The following TLE2 variants were observed in gnomAD, a reference collection of about 807,000 sequenced individuals.
TLE2 encodes the protein transducin-like enhancer protein 2.
Under a neutral mutation model 97.2 loss-of-function variants are expected in TLE2, and 74 were observed. The observed-to-expected ratio is 0.76, with a 90% CI of 0.63 to 0.92. The LOEUF (loss-of-function observed/expected upper bound fraction) is 0.92. Ranked by LOEUF, TLE2 falls within the 40% of genes least tolerant of loss-of-function variation. The probability of loss-of-function intolerance (pLI) is 0.00; values close to 1 mark genes in which losing one functional copy is unlikely to be tolerated. For synonymous variants in TLE2, 499 were observed against 432.1 expected, an observed-to-expected ratio of 1.15 and a Z score of -1.92; for missense variants, 1,038 against 1,008.7, an observed-to-expected ratio of 1.03 and a Z score of -0.39.
chr19:3,029,469 GC>G, upstream of TLE2: 1 of 978,822 alleles, frequency 1.0e-6, no homozygotes, highest in South Asian at 4.7e-5. Flanking sequence ...GGCGCCCAGT[GC>G]CTTAAAACAG....
chr19:2,998,266 T>TGG, intron 19 of TLE2, among the ~76,000 whole-genome samples: 1 of 128,902 alleles, frequency 7.8e-6, no homozygotes, highest in Admixed American at 8.2e-5. Flanking sequence ...TGTGTGTGTG[T>TGG]GTGTGTGTGT....
chr19:3,023,921 AAG>A (rs1297254851), intron 5 of TLE2, among the ~76,000 whole-genome samples: 1 of 150,416 alleles, frequency 6.6e-6, no homozygotes, highest in Non-Finnish European at 1.5e-5. Flanking sequence ...AGAAAAGAAA[AAG>A]AAAAAAGAAA....
At chr19:2,999,744 GAAA>G (rs1256819076) in intron 19 of TLE2, among the ~76,000 whole-genome samples, 2 of 119,182 alleles carry the variant, frequency 1.7e-5, no homozygotes, top group African/African-American at 6.7e-5. Context: ...AAAAAAGAAA[GAAA>G]AACAGCTGGG....
intron 14 of TLE2, among the ~76,000 whole-genome samples, chr19:3,008,457 T>TG (rs2089521408): frequency 6.7e-6 from 1 of 148,718 alleles, no homozygotes; most frequent in Admixed American, 6.7e-5. Flanking sequence ...TCTTTTTTCT[T>TG]TTTTTTTTTT....
chr19:3,007,674 T>G (rs1377500552), intron 14 of TLE2, among the ~76,000 whole-genome samples: 1 of 152,162 alleles, frequency 6.6e-6, no homozygotes, highest in African/African-American at 2.4e-5. Context: ...TTAATAAATG[T>G]TCGTTCAACC....
intron 3 of TLE2, among the ~76,000 whole-genome samples, chr19:3,028,074 C>T (rs565424340): frequency 6.6e-6 from 1 of 152,188 alleles, no homozygotes; most frequent in Admixed American, 6.5e-5. Context: ...CCCAGAGAGG[C>T]AGGGCAGGTA....
At chr19:3,035,891 G>T (rs1201016831) in intron 1 of TLE2, among the ~76,000 whole-genome samples, 3 of 151,748 alleles carry the variant, frequency 2.0e-5, no homozygotes, top group African/African-American at 7.3e-5. Flanking sequence ...AGGAGGGGGG[G>T]CTAAGGCTCC....
At chr19:3,036,372 C>G (rs1437606024) in intron 1 of TLE2, among the ~76,000 whole-genome samples, 2 of 152,254 alleles carry the variant, frequency 1.3e-5, no homozygotes, top group Non-Finnish European at 2.9e-5. Flanking sequence ...CCCGCCAGCT[C>G]CCGCTCCCTC....
chr19:3,015,168 G>T (rs369692742), intron 9 of TLE2, among the ~76,000 whole-genome samples: 1 of 151,646 alleles, frequency 6.6e-6, no homozygotes, highest in Non-Finnish European at 1.5e-5. Flanking sequence ...TCAAGTTGCA[G>T]CTGCCCCTGT....
At chr19:3,001,595 C>T (rs2089360380) in intron 18 of TLE2, among the ~76,000 whole-genome samples, 1 of 152,014 alleles carries the variant, frequency 6.6e-6, no homozygotes, top group Non-Finnish European at 1.5e-5. Flanking sequence ...AAGCAATCCT[C>T]CTGCCTCAGC....
At chr19:3,035,805 C>A (rs1164122830) in intron 1 of TLE2, among the ~76,000 whole-genome samples, 1 of 152,136 alleles carries the variant, frequency 6.6e-6, no homozygotes, top group Non-Finnish European at 1.5e-5. Context: ...GCGCTCCCGG[C>A]GGGGTTTGGC....
intron 1 of TLE2, among the ~76,000 whole-genome samples, chr19:3,038,135 TAAC>T (rs2090075043): frequency 6.6e-6 from 1 of 151,820 alleles, no homozygotes; most frequent in Admixed American, 6.6e-5. Context: ...AAAATAATAA[TAAC>T]AATAACAATA....
chr19:3,047,304 G>A (rs2090151752), upstream of TLE2, among the ~76,000 whole-genome samples: 1 of 145,646 alleles, frequency 6.9e-6, no homozygotes, highest in African/African-American at 2.5e-5. Context: ...CTCGGAGCCC[G>A]CGCCTCCGCC....
chr19:3,011,456 C>T (rs931947350), intron 11 of TLE2, among the ~76,000 whole-genome samples: 6 of 147,422 alleles, frequency 4.1e-5, no homozygotes, highest in Admixed American at 6.8e-5. Flanking sequence ...GGCATGAACC[C>T]GGGAGACGGA....
rs1339547974 is a variant in TLE2 at position 3,008,941 on chromosome 19, G to T, written c.1178C>A (p.Ala393Glu). 6.3e-7 allele frequency: 1 copy of T among 1,587,288 alleles called. No homozygotes were observed. Among genetic ancestry groups the T allele is most frequent in the South Asian group, 1.2e-5 (1 of 86,514 alleles). Residue 393 changes from alanine to glutamate, a missense_variant, in exon 14 of 20, where the codon GCA becomes GAA. Transcript: ENST00000262953. ...SVVYGRSPVM[A>E]FESHPHLRGS... ...TCGGAGATGGGGATGAGACTCAAATGCCATCTGTGAGAATGCCAGGGGGGT... is the reference window on the plus strand; with the variant it reads ...TCGGAGATGGGGATGAGACTCAAATTCCATCTGTGAGAATGCCAGGGGGGT...
At position 3,013,948 on chromosome 19, in the gene TLE2, G is replaced by A. The variant is rs115991724; in HGVS notation, c.724-130C>T. On this transcript the variant is annotated intron_variant, in intron 10 of 19. Transcript: ENST00000262953. ...CCATGACCCACCATGGGAAGATTAT[G>A]AAATCTTCTGCTGCCTCAGTTTACT... 1.4e-3 allele frequency: 1,251 copies of A among 913,900 alleles called. 12 individuals carry two copies. The African/African-American group carries it at 0.019, about 14-fold the overall frequency. 56.6% of individuals were successfully genotyped at this position (913,900 alleles called of 1,614,324 possible). A position where few individuals can be genotyped will look rare whatever the true frequency, so the allele number is the denominator to read the frequency against.
Position 3,019,219 on chromosome 19 carries a change from G to A in TLE2, c.550+64C>T. The A allele has an allele frequency of 1.3e-6, 2 of 1,530,972 alleles. No homozygotes were observed. The highest frequency in any genetic ancestry group is 1.7e-6 in the Non-Finnish European group (2 of 1,143,956). The allele number at this position is 1,530,972 out of a possible 1,614,324, so 94.8% of individuals were successfully genotyped here. A position where few individuals can be genotyped will look rare whatever the true frequency, so the allele number is the denominator to read the frequency against. The stretch of plus-strand genomic sequence containing the variant: ...CCTCACGCTGATGTTTGCTACCCTG[G>A]ACTGCCAGTCGTCCTCCCCAGCCCC... On this transcript the variant is annotated intron_variant, in intron 7 of 19. Coordinates refer to ENST00000262953, the MANE Select transcript of TLE2 (RefSeq NM_003260.5). The surrounding 1 kb of genome is among the most constrained non-coding windows in gnomAD (Gnocchi z 5.1).
chr19:3,044,033 C>T (rs138476864), intron 1 of TLE2, among the ~76,000 whole-genome samples: 1 of 151,678 alleles, frequency 6.6e-6, no homozygotes, highest in Admixed American at 6.6e-5. Context: ...GGTAGCCAGG[C>T]GTGGTGGTGC....
chr19:3,024,975 T>C, intron 5 of TLE2, 45 bp downstream of exon 5: 1 of 1,520,918 alleles, frequency 6.6e-7, no homozygotes, highest in Middle Eastern at 2.1e-4. Flanking sequence ...TCCCGTCTTC[T>C]TCCGGCTCCC....
Sources: allele counts gnomAD v4.1 joint callset (sites outside exome capture counted in the v4.1 genomes callset), GRCh38; gene constraint gnomAD v4.1.1; non-coding constraint Gnocchi (gnomAD v3.1); transcripts MANE v1.5; gene names NCBI Gene and HGNC (gene_info 2026-07-23, HGNC 2026-07-21).